The following MARK1 variants were observed in gnomAD, a reference collection of about 807,000 sequenced individuals.
The protein encoded by MARK1 is microtubule affinity regulating kinase 1.
A neutral mutation model predicts 96.3 loss-of-function variants in MARK1; 40 were observed. The observed-to-expected ratio is 0.42, with a 90% confidence interval of 0.32 to 0.54. MARK1 has a LOEUF of 0.54. Ranked by LOEUF, MARK1 falls within the 20% of genes least tolerant of loss-of-function variation. MARK1 has a pLI of 0.16. For missense variants in MARK1, 719 were observed against 984.6 expected (o/e 0.73, Z 3.61); for synonymous variants, 317 against 341.2 (o/e 0.93, Z 0.78).
intron 13 of MARK1, among the ~76,000 whole-genome samples, chr1:220,638,009 T>G (rs1668064736): frequency 6.6e-6 from 1 of 152,128 alleles, no homozygotes; most frequent in African/African-American, 2.4e-5. Context: ...GATTATCACC[T>G]TTTAGTCTGT....
At chr1:220,590,562 G>A (rs1315917530) in intron 3 of MARK1, among the ~76,000 whole-genome samples, 6 of 152,070 alleles carry the variant, frequency 3.9e-5, no homozygotes, top group Non-Finnish European at 7.4e-5. Flanking sequence ...AGTCACACTG[G>A]GCATTAGGGA....
chr1:220,536,505 T>C (rs1265369767), intron 1 of MARK1, among the ~76,000 whole-genome samples: 1 of 152,102 alleles, frequency 6.6e-6, no homozygotes, highest in African/African-American at 2.4e-5. Flanking sequence ...CCTTATCATT[T>C]GCAATGGCTA....
chr1:220,615,589 A>G (rs1462850127), intron 6 of MARK1, among the ~76,000 whole-genome samples: 1 of 152,144 alleles, frequency 6.6e-6, no homozygotes. Context: ...TGTGTGCCAA[A>G]GCTTTTATTT....
intron 5 of MARK1, among the ~76,000 whole-genome samples, chr1:220,603,140 T>A (rs1442168984): frequency 1.3e-5 from 2 of 152,018 alleles, no homozygotes; most frequent in South Asian, 4.1e-4. Flanking sequence ...TTTAAGCCAT[T>A]TTGTGAGTTT....
Position 220,528,609 on chromosome 1 carries a change from C to G in MARK1, c.-214C>G, listed in dbSNP as rs1660077293. 2.0e-6 allele frequency: 1 copy of G among 492,854 alleles called. No homozygotes were observed. The highest frequency in any genetic ancestry group is 4.4e-5 in the Admixed American group (1 of 22,834). The allele number at this position is 492,854 out of a possible 1,614,324, so 30.5% of individuals were successfully genotyped here. The stretch of plus-strand genomic sequence containing the variant: ...CCTCGTTACTGTCCGCATACCCCGG[C>G]GGCGCCGCCGCGGGAAGCGGCTCCC... On this transcript the variant is annotated 5_prime_UTR_variant, in exon 1 of 18. Coordinates refer to ENST00000366917, the MANE Select transcript of MARK1 (RefSeq NM_018650.5).
rs1247725684 is a variant in MARK1 at position 220,653,309 on chromosome 1, T to A, written c.1945T>A (p.Ser649Thr). The A allele has an allele frequency of 4.3e-6, 7 of 1,614,224 alleles. No homozygotes were observed. In the Admixed American group the frequency reaches 8.3e-5, roughly 19 times the overall value. The stretch of plus-strand genomic sequence containing the variant: ...ATTTGCACATGCCAGAAGGGGAACG[T>A]CAACTGGTATAATAAGCAAAATCAC... ...GAFAHARRGTSTGIISKITSK... is the reference protein window; with the variant it reads ...GAFAHARRGTTTGIISKITSK... The change falls in exon 16 of 18, where the codon TCA becomes ACA. Residue 649 changes from serine (S) to threonine (T), a missense_variant. Ser to Thr is a moderately conservative substitution (Grantham distance 58, BLOSUM62 1). Transcript: ENST00000366917.
chr1:220,577,896 C>G (rs1663979969), intron 1 of MARK1, among the ~76,000 whole-genome samples: 1 of 152,094 alleles, frequency 6.6e-6, no homozygotes. Flanking sequence ...CAGAATGAGG[C>G]CAGAGGTTGC....
chr1:220,610,257 C>CTT lies in MARK1; in HGVS notation c.496-5677_496-5676dup, dbSNP rs1170393025. Among the ~76,000 whole-genome samples the CTT allele has an allele frequency of 2.0e-5, 3 of 152,162 alleles. No individual in the cohort carries two copies. The South Asian group carries it at 6.2e-4, about 31-fold the overall frequency. ...GAGGCTTTGTTCATTTCTTTCTACT[C>CTT]TTTTTTCTCTAACCTTATCTTCTCG... is the stretch of plus-strand genomic sequence containing the variant. On this transcript the variant is annotated intron_variant, in intron 6 of 17. Coordinates refer to ENST00000366917, the MANE Select transcript of MARK1 (RefSeq NM_018650.5).
At position 220,558,198 on chromosome 1, in the gene MARK1, A is replaced by G. The variant is rs188723696; in HGVS notation, c.52-21156A>G. On this transcript the variant is annotated intron_variant, in intron 1 of 17. Coordinates refer to ENST00000366917, the MANE Select transcript of MARK1 (RefSeq NM_018650.5). ...AATAATATGGGAAATGGCAGGGGAAACATTGGAGCTAAAAATTCTGAGGTC... is the reference window on the plus strand; with the variant it reads ...AATAATATGGGAAATGGCAGGGGAAGCATTGGAGCTAAAAATTCTGAGGTC... Among the ~76,000 whole-genome samples the G allele has an allele frequency of 2.2e-3, 323 of 149,614 alleles. 1 individual carries two copies. The highest frequency in any genetic ancestry group is 7.4e-3 in the African/African-American group (305 of 41,128).
At chr1:220,660,611 T>C (rs945268956) in intron 17 of MARK1, among the ~76,000 whole-genome samples, 4 of 152,190 alleles carry the variant, frequency 2.6e-5, no homozygotes, top group African/African-American at 7.2e-5. Flanking sequence ...ATTTGGATAA[T>C]TGTTCAAGAA....
intron 1 of MARK1, among the ~76,000 whole-genome samples, chr1:220,545,442 T>TTC (rs1343810347): frequency 7.0e-6 from 1 of 143,374 alleles, no homozygotes; most frequent in Non-Finnish European, 1.5e-5. Flanking sequence ...TCTCATGGTT[T>TTC]TTTTTTTTTT....
chr1:220,585,125 G>T (rs530160186), intron 3 of MARK1, among the ~76,000 whole-genome samples: 1 of 152,166 alleles, frequency 6.6e-6, no homozygotes, highest in Admixed American at 6.5e-5. Flanking sequence ...AGGGTTAAAG[G>T]TGGGGATATT....
Position 220,635,917 on chromosome 1 carries a change from A to G in MARK1, c.1361A>G (p.Asp454Gly). 6.2e-7 allele frequency: 1 copy of G among 1,614,112 alleles called. No homozygotes were observed. The highest frequency in any genetic ancestry group is 2.2e-5 in the East Asian group (1 of 44,872). ...SVESEQKEEWDKDVARKLGST... is the reference protein window; with the variant it reads ...SVESEQKEEWGKDVARKLGST... ...GAAAGTGAACAGAAAGAGGAGTGGGACAAAGATGTGGCTCGAAAACTTGGC... is the reference window on the plus strand; with the variant it reads ...GAAAGTGAACAGAAAGAGGAGTGGGGCAAAGATGTGGCTCGAAAACTTGGC... The change falls in exon 13 of 18, where the codon GAC becomes GGC. Residue 454 changes from aspartate to glycine, a missense_variant. Transcript: ENST00000366917.
intron 6 of MARK1, among the ~76,000 whole-genome samples, chr1:220,604,367 A>G (rs911789156): frequency 6.6e-5 from 10 of 152,068 alleles, no homozygotes; most frequent in African/African-American, 2.4e-4. Context: ...TTTATAGATG[A>G]GACTCACCTT....
intron 13 of MARK1, among the ~76,000 whole-genome samples, chr1:220,644,617 G>T (rs900271455): frequency 6.6e-6 from 1 of 151,826 alleles, no homozygotes; most frequent in African/African-American, 2.4e-5. Context: ...CCCCAGAACA[G>T]CAGAATATAC....
intron 15 of MARK1, 126 bp from the exon 16 acceptor site, chr1:220,652,975 C>T (rs1668962871): frequency 2.8e-6 from 3 of 1,054,210 alleles, no homozygotes; most frequent in Non-Finnish European, 1.4e-6. Flanking sequence ...TGTCTCACAT[C>T]TCTAATGTGA....
At chr1:220,600,915 C>T (rs1440064456) in intron 5 of MARK1, among the ~76,000 whole-genome samples, 24 of 145,782 alleles carry the variant, frequency 1.6e-4, no homozygotes, top group Admixed American at 9.2e-4. Flanking sequence ...TATTTTGAGA[C>T]GGAGTCTTGC....
chr1:220,577,502 CA>C (rs1663945203), intron 1 of MARK1, among the ~76,000 whole-genome samples: 1 of 152,224 alleles, frequency 6.6e-6, no homozygotes, highest in African/African-American at 2.4e-5. Flanking sequence ...TTGCAGTTCT[CA>C]AATGTTGGCA....
intron 3 of MARK1, among the ~76,000 whole-genome samples, chr1:220,595,727 G>A (rs1665292632): frequency 6.6e-6 from 1 of 152,196 alleles, no homozygotes; most frequent in South Asian, 2.1e-4. Flanking sequence ...GGATAGAAAA[G>A]ATGTGTGGAT....
Sources: allele counts gnomAD v4.1 joint callset (sites outside exome capture counted in the v4.1 genomes callset), GRCh38; gene constraint gnomAD v4.1.1; transcripts MANE v1.5; gene names NCBI Gene and HGNC (gene_info 2026-07-23, HGNC 2026-07-21).